CDH13: variants seen among roughly 807,000 people sequenced by gnomAD.
The protein encoded by CDH13 is cadherin 13.
In CDH13, 24 loss-of-function variants were observed where a neutral mutation model predicts 63.8. The ratio of observed to expected loss-of-function variants is 0.38; its 90% CI spans 0.27 to 0.53. The LOEUF is 0.53. CDH13 is among the 20% of genes least tolerant of loss of function. The pLI is 0.85. For missense variants in CDH13, 1,049 were observed against 903.1 expected, an observed-to-expected ratio of 1.16 and a Z score of -2.07; for synonymous variants, 503 against 355.3, an observed-to-expected ratio of 1.42 and a Z score of -4.67.
intron 2 of CDH13, among the ~76,000 whole-genome samples, chr16:82,904,218 A>G (rs1445769652): frequency 6.6e-6 from 1 of 152,238 alleles, no homozygotes; most frequent in Non-Finnish European, 1.5e-5. Flanking sequence ...TGTAATAAAT[A>G]CAAACTTTTG....
At chr16:83,123,069 G>A (rs1214992677) in intron 3 of CDH13, among the ~76,000 whole-genome samples, 4 of 151,942 alleles carry the variant, frequency 2.6e-5, no homozygotes, top group African/African-American at 4.8e-5. Context: ...CATGTCTTCC[G>A]GCTTCATCCA....
chr16:83,554,725 C>A (rs1270287637), intron 7 of CDH13, among the ~76,000 whole-genome samples: 1 of 152,088 alleles, frequency 6.6e-6, no homozygotes, highest in African/African-American at 2.4e-5. Flanking sequence ...ATCTGCCCAG[C>A]AACTGCCTGT....
At chr16:83,585,560 G>T (rs1174410716) in intron 7 of CDH13, among the ~76,000 whole-genome samples, 5 of 152,066 alleles carry the variant, frequency 3.3e-5, no homozygotes, top group Non-Finnish European at 1.5e-5. Flanking sequence ...TGTTGAACAA[G>T]CAGTTAGAAG....
intron 4 of CDH13, among the ~76,000 whole-genome samples, chr16:83,133,115 T>A (rs2036131679): frequency 6.6e-6 from 1 of 152,234 alleles, no homozygotes; most frequent in Non-Finnish European, 1.5e-5. Context: ...AAGTCTTTAC[T>A]AATTTTAATT....
rs187636662 is a variant in CDH13, at chr16:83,748,383, T to C, written c.1681+133T>C. The C allele has an allele frequency of 9.3e-5, 70 of 752,816 alleles. No individual in the cohort carries two copies. In the African/African-American group the frequency reaches 1.2e-3, roughly 13 times the overall value. 46.6% of individuals were successfully genotyped at this position (752,816 alleles called of 1,614,324 possible). A position where few individuals can be genotyped will look rare whatever the true frequency, so the allele number is the denominator to read the frequency against. ...AAGTGTGTGGGAACAGCAAAGTAAA[T>C]GTTTAAATATACACATGTTGAGTTC... On this transcript the variant is annotated intron_variant, in intron 11 of 13. Transcript: ENST00000567109.
chr16:83,695,218 A>G (rs1361186605), intron 10 of CDH13, among the ~76,000 whole-genome samples: 1 of 152,186 alleles, frequency 6.6e-6, no homozygotes, highest in Non-Finnish European at 1.5e-5. Flanking sequence ...AAAAAAAATT[A>G]TTGCAAAAAT....
intron 1 of CDH13, among the ~76,000 whole-genome samples, chr16:82,840,446 G>A (rs2038957964): frequency 6.6e-6 from 1 of 151,676 alleles, no homozygotes; most frequent in Non-Finnish European, 1.5e-5. Context: ...ACTTTGGGAG[G>A]CCCAGGTGGA....
chr16:82,750,486 T>G (rs533726613), intron 1 of CDH13, among the ~76,000 whole-genome samples: 1 of 152,316 alleles, frequency 6.6e-6, no homozygotes, highest in African/African-American at 2.4e-5. Flanking sequence ...TCTTCCTCCC[T>G]TTGCCCATTC....
rs376734332 is a variant in CDH13, at chr16:83,178,411, T to C, written c.484-38934T>C. Among the ~76,000 whole-genome samples the C allele has an allele frequency of 3.9e-5, 6 of 152,320 alleles. No homozygotes were observed. The South Asian group carries it at 1.2e-3, about 32-fold the overall frequency. On this transcript the variant is annotated intron_variant, in intron 4 of 13. Coordinates refer to ENST00000567109, the MANE Select transcript of CDH13 (RefSeq NM_001257.5). Reference sequence around the variant, plus strand: ...TGTCTGAAGTCCCCTCTGGCACTGATAGTCTAAGATTCTTCTTGGGACCAT... The same window carrying C: ...TGTCTGAAGTCCCCTCTGGCACTGACAGTCTAAGATTCTTCTTGGGACCAT...
intron 10 of CDH13, among the ~76,000 whole-genome samples, chr16:83,681,241 G>C (rs527296914): frequency 6.6e-6 from 1 of 152,250 alleles, no homozygotes; most frequent in Admixed American, 6.5e-5. Flanking sequence ...TGTGTAATCA[G>C]GAACCACAGA....
chr16:83,109,720 G>A (rs1054377709), intron 3 of CDH13, among the ~76,000 whole-genome samples: 4 of 152,154 alleles, frequency 2.6e-5, no homozygotes, highest in Non-Finnish European at 4.4e-5. Flanking sequence ...CCTGTAGAGC[G>A]CTGCAAGATG....
rs1472700247 is a variant in CDH13 at position 83,216,443 on chromosome 16, T to TATAAATATATATATATATAC, written c.484-901_484-900insTAAATATATATATATATACA. Among the ~76,000 whole-genome samples the TATAAATATATATATATATAC allele has an allele frequency of 1.5e-3, 143 of 93,422 alleles. 5 individuals carry two copies. Among genetic ancestry groups the TATAAATATATATATATATAC allele is most frequent in the Non-Finnish European group, 2.5e-3 (113 of 45,112 alleles). The allele number at this position is 93,422 out of a possible 152,430, so 61.3% of individuals were successfully genotyped here. A position where few individuals can be genotyped will look rare whatever the true frequency, so the allele number is the denominator to read the frequency against. On this transcript the variant is annotated intron_variant, in intron 4 of 13. Coordinates refer to ENST00000567109, the MANE Select transcript of CDH13 (RefSeq NM_001257.5). ...ATATATATATATATATATATATATA[T>TATAAATATATATATATATAC]ACACAACCCTAATTTGAGGTTTATA...
intron 1 of CDH13, among the ~76,000 whole-genome samples, chr16:82,852,615 G>A (rs2039537516): frequency 6.6e-6 from 1 of 152,208 alleles, no homozygotes; most frequent in South Asian, 2.1e-4. Flanking sequence ...AGTAGCCAGA[G>A]ACTAATCTCA....
At chr16:82,746,167 C>A (rs1367342402) in intron 1 of CDH13, among the ~76,000 whole-genome samples, 1 of 131,342 alleles carries the variant, frequency 7.6e-6, no homozygotes, top group Non-Finnish European at 1.7e-5. Flanking sequence ...TATATACATA[C>A]TATATATTAT....
rs373587639 is a variant in CDH13 at position 83,320,987 on chromosome 16, C to A, written c.637-23875C>A. On this transcript the variant is annotated intron_variant, in intron 5 of 13. Transcript: ENST00000567109. ...GAAAATGCTAAGTAATGACAAATATCTAAAGGAAACTGAGACCATGTGATG... is the reference window on the plus strand; with the variant it reads ...GAAAATGCTAAGTAATGACAAATATATAAAGGAAACTGAGACCATGTGATG... Among the ~76,000 whole-genome samples, 3 of 152,156 alleles carry A rather than the reference C, an allele frequency of 2.0e-5. No individual in the cohort carries two copies. The East Asian group carries it at 5.8e-4, about 29-fold the overall frequency.
At chr16:83,097,296 A>G (rs555003364) in intron 3 of CDH13, among the ~76,000 whole-genome samples, 1 of 152,244 alleles carries the variant, frequency 6.6e-6, no homozygotes, top group African/African-American at 2.4e-5. Flanking sequence ...CTAATCTGTT[A>G]TAATGCTGCT....
At chr16:83,142,352 G>A (rs968134552) in intron 4 of CDH13, among the ~76,000 whole-genome samples, 1 of 152,032 alleles carries the variant, frequency 6.6e-6, no homozygotes, top group African/African-American at 2.4e-5. Flanking sequence ...AGCAGAGGTG[G>A]GGTTTTGCCA....
chr16:83,202,414 TG>T (rs2039057961), intron 4 of CDH13, among the ~76,000 whole-genome samples: 1 of 151,936 alleles, frequency 6.6e-6, no homozygotes, highest in Non-Finnish European at 1.5e-5. Flanking sequence ...ATCAATGGGG[TG>T]GGGGGCCCTG....
At chr16:83,282,053 G>A (rs1196984996) in intron 5 of CDH13, among the ~76,000 whole-genome samples, 1 of 152,128 alleles carries the variant, frequency 6.6e-6, no homozygotes, top group African/African-American at 2.4e-5. Context: ...TTTAAATATT[G>A]TGATATCTCA....
Sources: allele counts gnomAD v4.1 joint callset (sites outside exome capture counted in the v4.1 genomes callset), GRCh38; gene constraint gnomAD v4.1.1; transcripts MANE v1.5; gene names NCBI Gene and HGNC (gene_info 2026-07-23, HGNC 2026-07-21).